The following LPP variants were observed in gnomAD, a reference collection of about 807,000 sequenced individuals.
LPP encodes the protein LIM domain containing preferred translocation partner in lipoma.
Under a neutral mutation model 60.4 loss-of-function variants are expected in LPP, and 38 were observed. That is an observed-to-expected ratio of 0.63 (90% CI 0.49 to 0.83). The LOEUF (loss-of-function observed/expected upper bound fraction) is 0.83, where lower values mean the gene tolerates loss of function less well. LPP is among the 40% of genes least tolerant of loss of function. The pLI, the probability that LPP is intolerant of heterozygous loss-of-function variation, is 0.00. For missense variants in LPP, 902 were observed against 783.6 expected, an observed-to-expected ratio of 1.15 and a Z score of -1.80; for synonymous variants, 328 against 290.8, an observed-to-expected ratio of 1.13 and a Z score of -1.30.
chr3:188,241,329 C>T (rs1724720853), intron 2 of LPP, among the ~76,000 whole-genome samples: 1 of 152,338 alleles, frequency 6.6e-6, no homozygotes, highest in South Asian at 2.1e-4. Flanking sequence ...CCGCTGTGTG[C>T]TGGACAGCCC....
rs1221897509 is a variant in LPP, at chr3:188,877,972, T to G, written c.*3493T>G. 5 of 215,482 alleles carry G rather than the reference T, an allele frequency of 2.3e-5. No homozygotes were observed. Among genetic ancestry groups the G allele is most frequent in the African/African-American group, 1.1e-4 (5 of 44,392 alleles). The allele number at this position is 215,482 out of a possible 1,614,324, so 13.3% of individuals were successfully genotyped here. On this transcript the variant is annotated 3_prime_UTR_variant, in exon 12 of 12. Transcript: ENST00000617246. ...CACTATAATTGTTCCCTATGAAAGATTCCACAGAGATGTTTATGGTGAGGT... is the reference window on the plus strand; with the variant it reads ...CACTATAATTGTTCCCTATGAAAGAGTCCACAGAGATGTTTATGGTGAGGT...
At chr3:188,351,987 T>C (rs1390266259) in intron 3 of LPP, among the ~76,000 whole-genome samples, 1 of 152,300 alleles carries the variant, frequency 6.6e-6, no homozygotes, top group East Asian at 1.9e-4. Context: ...TACTTGCACT[T>C]ACTACATTTT....
chr3:188,680,497 T>C (rs1859245250), intron 7 of LPP, among the ~76,000 whole-genome samples: 1 of 152,238 alleles, frequency 6.6e-6, no homozygotes, highest in South Asian at 2.1e-4. Context: ...AAGCATAACT[T>C]ACTTCTCTAA....
chr3:188,644,976 T>G (rs1850837584), intron 7 of LPP, among the ~76,000 whole-genome samples: 1 of 152,202 alleles, frequency 6.6e-6, no homozygotes, highest in Non-Finnish European at 1.5e-5. Context: ...TTATTGAAGC[T>G]CTCTAAACTT....
chr3:188,163,598 C>T (rs1478937094), intron 1 of LPP, among the ~76,000 whole-genome samples: 1 of 152,046 alleles, frequency 6.6e-6, no homozygotes, highest in African/African-American at 2.4e-5. Context: ...GGCAAGGACT[C>T]AACAAACATC....
At position 188,877,709 on chromosome 3, in the gene LPP, A is replaced by G. The variant is rs1050686784; in HGVS notation, c.*3230A>G. 6.1e-5 allele frequency: 12 copies of G among 195,266 alleles called. 1 individual carries two copies. The highest frequency in any genetic ancestry group is 2.8e-4 in the African/African-American group (12 of 43,160). The allele number at this position is 195,266 out of a possible 1,614,324, so 12.1% of individuals were successfully genotyped here. The stretch of plus-strand genomic sequence containing the variant: ...AAAAATAAAATAAAATAAAAACCAA[A>G]TTAGCCAGACATGGTGGCATGCGCT... On this transcript the variant is annotated 3_prime_UTR_variant, in exon 12 of 12. Transcript: ENST00000617246.
At chr3:188,179,195 C>G (rs973656661) in intron 1 of LPP, 1 of 455,290 alleles carries the variant, frequency 2.2e-6, no homozygotes, top group Non-Finnish European at 4.4e-6. Context: ...TGCTGCCCTC[C>G]AAGGCTTTTG....
chr3:188,487,126 C>A lies in LPP; in HGVS notation c.306+2422C>A, dbSNP rs184167825. On this transcript the variant is annotated intron_variant, in intron 5 of 11. Coordinates refer to ENST00000617246, the MANE Select transcript of LPP (RefSeq NM_001375462.1). ...AAGACTCGTGATTGAAAACTAGTTA[C>A]ATAGATTATTCTAGTTGTGTGATCT... Among the ~76,000 whole-genome samples, 28 of 152,292 alleles carry A rather than the reference C, an allele frequency of 1.8e-4. No individual in the cohort carries two copies. In the East Asian group the frequency reaches 5.2e-3, roughly 28 times the overall value.
chr3:188,514,957 G>T (rs978520537), intron 5 of LPP, among the ~76,000 whole-genome samples: 1 of 152,142 alleles, frequency 6.6e-6, no homozygotes, highest in Non-Finnish European at 1.5e-5. Context: ...CTTTAAAGGA[G>T]ATTTGGGTTG....
chr3:188,303,243 G>A (rs933340740), intron 2 of LPP, among the ~76,000 whole-genome samples: 6 of 152,140 alleles, frequency 3.9e-5, no homozygotes, highest in Non-Finnish European at 8.8e-5. Context: ...AATTGCGTGT[G>A]AATATGTTCC....
At chr3:188,585,303 C>A (rs181691164) in intron 6 of LPP, among the ~76,000 whole-genome samples, 293 of 152,058 alleles carry the variant, frequency 1.9e-3, no homozygotes, top group Admixed American at 2.9e-3. Context: ...CTGTCTTAAC[C>A]CTCTCCCCTT....
Position 188,760,162 on chromosome 3 carries a change from C to T in LPP, c.1290C>T (p.Cys430=). 6.2e-7 allele frequency: 1 copy of T among 1,614,038 alleles called. No homozygotes were observed. The highest frequency in any genetic ancestry group is 1.1e-5 in the South Asian group (1 of 91,078). Residue 430 remains cysteine, a synonymous_variant, in exon 9 of 12, where the codon TGC becomes TGT. Transcript: ENST00000617246. The part of the protein sequence containing the change: ...GENVVGEGTG[C]TAMDQVFHVD... ...ACGTAGTTGGGGAAGGTACAGGATG[C>T]ACTGCCATGGATCAGGTCTTCCACG...
At chr3:188,246,927 C>T (rs1403875366) in intron 2 of LPP, among the ~76,000 whole-genome samples, 1 of 152,192 alleles carries the variant, frequency 6.6e-6, no homozygotes, top group African/African-American at 2.4e-5. Context: ...TTTCAGCCTT[C>T]TTTTCTTAGA....
intron 10 of LPP, among the ~76,000 whole-genome samples, chr3:188,867,030 G>A (rs889620422): frequency 4.6e-5 from 7 of 152,012 alleles, no homozygotes; most frequent in African/African-American, 1.7e-4. Context: ...TGCAAATTGT[G>A]TGTTCTTTTG....
intron 3 of LPP, among the ~76,000 whole-genome samples, chr3:188,350,309 T>C (rs1169426188): frequency 6.6e-6 from 1 of 152,224 alleles, no homozygotes; most frequent in Non-Finnish European, 1.5e-5. Context: ...GGAGAACTCT[T>C]TCCTATTGGA....
At chr3:188,306,694 G>A (rs1751642553) in intron 2 of LPP, among the ~76,000 whole-genome samples, 2 of 152,168 alleles carry the variant, frequency 1.3e-5, no homozygotes, top group African/African-American at 4.8e-5. Flanking sequence ...GGAATGGGAG[G>A]TGCTCAAGAG....
intron 6 of LPP, among the ~76,000 whole-genome samples, chr3:188,595,740 CTCAT>C (rs1340688132): frequency 3.3e-5 from 5 of 152,076 alleles, no homozygotes; most frequent in Non-Finnish European, 7.4e-5. Context: ...TGTTGTTGTT[CTCAT>C]TATTATTGTT....
At chr3:188,177,239 C>T (rs1048877455) in intron 1 of LPP, among the ~76,000 whole-genome samples, 1 of 152,186 alleles carries the variant, frequency 6.6e-6, no homozygotes, top group East Asian at 1.9e-4. Flanking sequence ...TAGAGATGCC[C>T]TCATTTTCAT....
chr3:188,210,820 ACT>A (rs145152379), intron 1 of LPP, among the ~76,000 whole-genome samples: 5,124 of 151,900 alleles, frequency 0.034, 128 homozygotes, highest in South Asian at 0.076. Flanking sequence ...GCAGGAAGGG[ACT>A]CTGAGCTCCT....
Sources: allele counts gnomAD v4.1 joint callset (sites outside exome capture counted in the v4.1 genomes callset), GRCh38; gene constraint gnomAD v4.1.1; transcripts MANE v1.5; gene names NCBI Gene and HGNC (gene_info 2026-07-23, HGNC 2026-07-21).